Variants in NRG3 observed in about 807,000 individuals in gnomAD.
NRG3 encodes the protein neuregulin 3.
A neutral mutation model predicts 66.9 loss-of-function variants in NRG3; 31 were observed. The ratio of observed to expected loss-of-function variants is 0.46; its 90% CI spans 0.35 to 0.63. The LOEUF is 0.63. Among genes scored for constraint, NRG3 ranks in the 20% least tolerant of loss-of-function variants. The pLI is 0.00. For synonymous variants in NRG3, 393 were observed against 359.4 expected (o/e 1.09, Z -1.06); for missense variants, 910 against 878.9 (o/e 1.04, Z -0.45).
intron 1 of NRG3, among the ~76,000 whole-genome samples, chr10:82,299,450 G>T (rs1269028223): frequency 6.6e-6 from 1 of 152,054 alleles, no homozygotes; most frequent in African/African-American, 2.4e-5. Flanking sequence ...AGCAGGCTGT[G>T]TTGCAACCAC....
At chr10:81,923,257 A>G (rs527768375) in intron 1 of NRG3, among the ~76,000 whole-genome samples, 5 of 152,222 alleles carry the variant, frequency 3.3e-5, no homozygotes, top group Admixed American at 2.0e-4. Flanking sequence ...CGAATTTGGA[A>G]TGCGGTGGCG....
chr10:81,880,561 G>T (rs1490412687), intron 1 of NRG3, among the ~76,000 whole-genome samples: 4 of 152,110 alleles, frequency 2.6e-5, no homozygotes, highest in Non-Finnish European at 5.9e-5. Flanking sequence ...CCTCTCTCTG[G>T]AGCTACTTTC....
chr10:82,072,693 C>CTT (rs11379230), intron 1 of NRG3, among the ~76,000 whole-genome samples: 79 of 150,036 alleles, frequency 5.3e-4, no homozygotes, highest in Non-Finnish European at 8.0e-4. Flanking sequence ...TTATAGATGA[C>CTT]TTTTTTTTTG....
chr10:82,321,303 G>GC (rs1377656625), intron 1 of NRG3, among the ~76,000 whole-genome samples: 3 of 143,952 alleles, frequency 2.1e-5, no homozygotes, highest in African/African-American at 8.2e-5. Flanking sequence ...GGCAGGGGTG[G>GC]GGGTGGGGGT....
chr10:82,431,323 G>A (rs2089792210), intron 2 of NRG3, among the ~76,000 whole-genome samples: 1 of 152,072 alleles, frequency 6.6e-6, no homozygotes. Context: ...TATGTATGCT[G>A]GGTTGCTGAT....
Position 82,391,388 on chromosome 10 carries a change from A to T in NRG3, c.953+32520A>T, listed in dbSNP as rs78074457. Among the ~76,000 whole-genome samples the T allele has an allele frequency of 5.4e-4, 83 of 152,330 alleles. 2 individuals carry two copies. The East Asian group carries it at 0.016, about 29-fold the overall frequency. ...TGGAAAAACCTTTGAAAAGTAAATT[A>T]TCAGTTTAGAAATGCTCTTTAAATG... On this transcript the variant is annotated intron_variant, in intron 2 of 8. Transcript: ENST00000372141.
At chr10:82,208,507 C>A (rs2075239315) in intron 1 of NRG3, among the ~76,000 whole-genome samples, 1 of 152,020 alleles carries the variant, frequency 6.6e-6, no homozygotes, top group East Asian at 1.9e-4. Context: ...GCTCTTTGTC[C>A]TGTAGATGAG....
intron 1 of NRG3, chr10:82,225,599 C>A (rs953705970): frequency 1.3e-5 from 2 of 152,132 alleles, no homozygotes; most frequent in Non-Finnish European, 2.9e-5. Context: ...CGAACATCCT[C>A]ACACACAAAC....
chr10:81,891,883 T>G (rs1843040145), intron 1 of NRG3, among the ~76,000 whole-genome samples: 1 of 152,120 alleles, frequency 6.6e-6, no homozygotes, highest in Non-Finnish European at 1.5e-5. Flanking sequence ...AATTTGAGAT[T>G]AGAATCTTAG....
intron 3 of NRG3, among the ~76,000 whole-genome samples, chr10:82,773,233 G>A (rs779410828): frequency 2.2e-4 from 34 of 152,024 alleles, no homozygotes; most frequent in Non-Finnish European, 4.3e-4. Context: ...TTCCAACTGG[G>A]TTCACCTTGC....
intron 3 of NRG3, among the ~76,000 whole-genome samples, chr10:82,810,737 TAAAAAA>T (rs750726119): frequency 1.4e-5 from 1 of 70,006 alleles, no homozygotes. Flanking sequence ...CACTCCAGCC[TAAAAAA>T]AAAAAAAAAA....
chr10:82,446,924 G>GA (rs1227314715), intron 2 of NRG3, among the ~76,000 whole-genome samples: 2 of 152,136 alleles, frequency 1.3e-5, no homozygotes, highest in Admixed American at 6.5e-5. Flanking sequence ...TATTCCTCAG[G>GA]AATCTATATA....
intron 1 of NRG3, among the ~76,000 whole-genome samples, chr10:82,082,995 A>T (rs1208968522): frequency 6.6e-6 from 1 of 151,340 alleles, no homozygotes; most frequent in South Asian, 2.1e-4. Context: ...GCTAGGGTGC[A>T]GTGGTACAAT....
chr10:82,701,993 T>G (rs774751353), intron 2 of NRG3, among the ~76,000 whole-genome samples: 21 of 152,156 alleles, frequency 1.4e-4, no homozygotes, highest in Non-Finnish European at 2.8e-4. Context: ...TCTTCTGATC[T>G]TTTCACCAGC....
chr10:82,312,306 C>G (rs2134994103), intron 1 of NRG3, among the ~76,000 whole-genome samples: 1 of 152,270 alleles, frequency 6.6e-6, no homozygotes, highest in East Asian at 1.9e-4. Flanking sequence ...ACTGTCATAT[C>G]TGAGTCTATA....
chr10:82,539,694 C>T (rs779599109), intron 2 of NRG3, among the ~76,000 whole-genome samples: 4 of 151,800 alleles, frequency 2.6e-5, no homozygotes, highest in South Asian at 2.1e-4. Flanking sequence ...AGTGCAGTGG[C>T]GGGATCTCGT....
chr10:81,963,516 C>G (rs923977785), intron 1 of NRG3, among the ~76,000 whole-genome samples: 1 of 152,242 alleles, frequency 6.6e-6, no homozygotes, highest in South Asian at 2.1e-4. Flanking sequence ...TTGAATTTAA[C>G]GATTACACCT....
At chr10:82,928,116 A>G (rs775950033) in intron 4 of NRG3, among the ~76,000 whole-genome samples, 19 of 151,956 alleles carry the variant, frequency 1.3e-4, no homozygotes, top group Admixed American at 1.0e-3. Context: ...TTTTTTTCAT[A>G]TGTTTGCTGG....
chr10:82,208,538 G>T (rs2075241085), intron 1 of NRG3, among the ~76,000 whole-genome samples: 3 of 152,076 alleles, frequency 2.0e-5, no homozygotes. Context: ...AGCATACAAA[G>T]AGCATCCTAT....
Sources: gnomAD v4.1 joint callset for allele counts (sites outside exome capture counted in the v4.1 genomes callset) on GRCh38, gnomAD v4.1.1 for gene constraint, MANE v1.5 for transcripts, NCBI Gene and HGNC (gene_info 2026-07-23, HGNC 2026-07-21) for gene names.